The following CCSER1 variants were observed in gnomAD, a reference collection of about 807,000 sequenced individuals.
CCSER1 encodes coiled-coil serine rich protein 1, also known as serine-rich coiled-coil domain-containing protein 1.
A neutral mutation model predicts 82.0 loss-of-function variants in CCSER1; 41 were observed. The ratio of observed to expected loss-of-function variants is 0.50; its 90% CI spans 0.39 to 0.65. CCSER1 has a LOEUF of 0.65. Ranked by LOEUF, CCSER1 falls within the 30% of genes least tolerant of loss-of-function variation. The pLI, the probability that CCSER1 is intolerant of heterozygous loss-of-function variation, is 0.00. For missense variants in CCSER1, 1,119 were observed against 1,064.2 expected (o/e 1.05, Z -0.72); for synonymous variants, 414 against 383.9 (o/e 1.08, Z -0.92).
intron 9 of CCSER1, among the ~76,000 whole-genome samples, chr4:90,968,065 GA>G (rs1263096658): frequency 6.6e-6 from 1 of 151,934 alleles, no homozygotes; most frequent in Non-Finnish European, 1.5e-5. Flanking sequence ...TGCTGTCTAA[GA>G]GGCATGCCCC....
At chr4:91,488,043 C>G (rs1758316836) in intron 10 of CCSER1, among the ~76,000 whole-genome samples, 2 of 151,870 alleles carry the variant, frequency 1.3e-5, no homozygotes, top group African/African-American at 4.8e-5. Context: ...TTATAGAAAG[C>G]ATTTGAAAAT....
At chr4:90,884,197 C>T (rs978625080) in intron 8 of CCSER1, among the ~76,000 whole-genome samples, 14 of 152,174 alleles carry the variant, frequency 9.2e-5, no homozygotes, top group African/African-American at 3.4e-4. Flanking sequence ...ACAAGTGATA[C>T]TGAAATCATG....
At chr4:90,134,981 A>C (rs1237263999) in intron 1 of CCSER1, among the ~76,000 whole-genome samples, 1 of 152,264 alleles carries the variant, frequency 6.6e-6, no homozygotes, top group Non-Finnish European at 1.5e-5. Flanking sequence ...AAACTAGATT[A>C]ATAATATCAA....
intron 9 of CCSER1, among the ~76,000 whole-genome samples, chr4:90,971,100 A>G (rs1735062434): frequency 6.6e-6 from 1 of 151,940 alleles, no homozygotes; most frequent in Admixed American, 6.6e-5. Flanking sequence ...TAGAAAAATA[A>G]TAAAAAAGAT....
At chr4:90,991,514 T>C (rs10023825) in intron 9 of CCSER1, among the ~76,000 whole-genome samples, 46,040 of 151,764 alleles carry the variant, frequency 0.3, 7,806 homozygotes, top group African/African-American at 0.44. Flanking sequence ...CAATTTCTGC[T>C]TCAGTCTTCA....
intron 9 of CCSER1, among the ~76,000 whole-genome samples, chr4:91,023,323 A>G (rs1581362462): frequency 6.6e-6 from 1 of 152,180 alleles, no homozygotes; most frequent in Admixed American, 6.5e-5. Context: ...GTTCATATGG[A>G]ACCAAAAAAG....
chr4:91,230,627 A>G (rs1427115291), intron 10 of CCSER1, among the ~76,000 whole-genome samples: 1 of 151,950 alleles, frequency 6.6e-6, no homozygotes, highest in East Asian at 1.9e-4. Context: ...ATGGGTGTGG[A>G]GGAAAAAAAA....
At position 91,077,268 on chromosome 4, in the gene CCSER1, A is replaced by T. The variant is rs567088866; in HGVS notation, c.2173-8682A>T. 1.2e-4 allele frequency among the ~76,000 whole-genome samples: 18 copies of T among 152,296 alleles called. No individual in the cohort carries two copies. In the South Asian group the frequency reaches 2.3e-3, roughly 19 times the overall value. ...GACTACTTCAGACTCACCCTAAAAA[A>T]TGTTTAATGCAAGCCTCAAAGGAAT... On this transcript the variant is annotated intron_variant, in intron 9 of 10. Transcript: ENST00000509176.
rs72603816 is a variant in CCSER1 at position 91,034,543 on chromosome 4, A to AC, written c.2173-51399dup. 1.6e-3 allele frequency among the ~76,000 whole-genome samples: 117 copies of AC among 71,170 alleles called. 1 individual carries two copies. The highest frequency in any genetic ancestry group is 3.8e-3 in the African/African-American group (95 of 25,010). 46.7% of individuals were successfully genotyped at this position (71,170 alleles called of 152,430 possible). On this transcript the variant is annotated intron_variant, in intron 9 of 10. Coordinates refer to ENST00000509176, the MANE Select transcript of CCSER1 (RefSeq NM_001145065.2). ...TTAAAAATAACTAAAAATTTCATAC[A>AC]CCCCCCCCAATTGAAGCACTTTTTA... is the stretch of plus-strand genomic sequence containing the variant.
At chr4:91,002,039 G>A (rs137863725) in intron 9 of CCSER1, among the ~76,000 whole-genome samples, 319 of 152,156 alleles carry the variant, frequency 2.1e-3, no homozygotes, top group Middle Eastern at 6.8e-3. Context: ...TCCAAAATTC[G>A]TGCCTGATAA....
chr4:91,404,807 A>C (rs779616553), intron 10 of CCSER1, among the ~76,000 whole-genome samples: 5 of 152,186 alleles, frequency 3.3e-5, no homozygotes, highest in African/African-American at 7.2e-5. Flanking sequence ...GGAGTGCTTT[A>C]CTTCCTACTA....
chr4:90,512,885 AAC>A (rs554964043), intron 5 of CCSER1, among the ~76,000 whole-genome samples: 61 of 152,380 alleles, frequency 4.0e-4, no homozygotes, highest in African/African-American at 1.4e-3. Context: ...CTGGACAAAT[AAC>A]ACATTTATTT....
Position 91,432,305 on chromosome 4 carries a change from TTTAA to T in CCSER1, c.2218-166262_2218-166259del, listed in dbSNP as rs1263965720. The stretch of plus-strand genomic sequence containing the variant: ...GATAATGGACTACTACAATAATTAA[TTTAA>T]TTAAACACCTATTTATAGACATCTG... On this transcript the variant is annotated intron_variant, in intron 10 of 10. Transcript: ENST00000509176. Among the ~76,000 whole-genome samples the T allele has an allele frequency of 4.6e-5, 7 of 152,326 alleles. No individual in the cohort carries two copies. The East Asian group carries it at 1.2e-3, about 25-fold the overall frequency.
chr4:90,383,201 A>G (rs1372493072), intron 3 of CCSER1, among the ~76,000 whole-genome samples: 1 of 152,170 alleles, frequency 6.6e-6, no homozygotes, highest in African/African-American at 2.4e-5. Context: ...CTAAATTTGC[A>G]ACCGTGGAAA....
chr4:91,523,941 T>C (rs755816254), intron 10 of CCSER1, among the ~76,000 whole-genome samples: 1 of 152,060 alleles, frequency 6.6e-6, no homozygotes, highest in Admixed American at 6.6e-5. Flanking sequence ...GTGTTTTCCA[T>C]GTTAGAATGA....
At chr4:91,386,131 G>T (rs1461724127) in intron 10 of CCSER1, among the ~76,000 whole-genome samples, 1 of 151,258 alleles carries the variant, frequency 6.6e-6, no homozygotes, top group Non-Finnish European at 1.5e-5. Flanking sequence ...CCATTCCCCA[G>T]TGAATGGACC....
intron 10 of CCSER1, among the ~76,000 whole-genome samples, chr4:91,291,139 C>T (rs982278281): frequency 1.3e-5 from 2 of 151,690 alleles, no homozygotes; most frequent in Admixed American, 1.3e-4. Context: ...CAAGACGGTG[C>T]TGGCGTTATT....
At chr4:90,598,191 T>C (rs530522510) in intron 5 of CCSER1, among the ~76,000 whole-genome samples, 1 of 152,272 alleles carries the variant, frequency 6.6e-6, no homozygotes, top group East Asian at 1.9e-4. Context: ...GCTAGTTCTA[T>C]TTTTAATTTA....
At chr4:91,096,905 A>G (rs559076091) in intron 10 of CCSER1, among the ~76,000 whole-genome samples, 4 of 152,208 alleles carry the variant, frequency 2.6e-5, no homozygotes, top group African/African-American at 4.8e-5. Context: ...AAACCAAAGT[A>G]TCAGGCAATT....
Sources: allele counts gnomAD v4.1 joint callset (sites outside exome capture counted in the v4.1 genomes callset), GRCh38; gene constraint gnomAD v4.1.1; transcripts MANE v1.5; gene names NCBI Gene and HGNC (gene_info 2026-07-23, HGNC 2026-07-21).